Variants in UNC13B observed in about 807,000 individuals in gnomAD.
UNC13B encodes unc-13 homolog B.
A neutral mutation model predicts 211.0 loss-of-function variants in UNC13B; 144 were observed. That is an observed-to-expected ratio of 0.68 (90% CI 0.60 to 0.78). UNC13B has a LOEUF of 0.78. Ranked by LOEUF, UNC13B falls within the 30% of genes least tolerant of loss-of-function variation. The pLI, the probability that UNC13B is intolerant of heterozygous loss-of-function variation, is 0.00. For synonymous variants in UNC13B, 709 were observed against 725.8 expected, an observed-to-expected ratio of 0.98 and a Z score of 0.37; for missense variants, 1,777 against 2,002.0, an observed-to-expected ratio of 0.89 and a Z score of 2.14.
intron 1 of UNC13B, among the ~76,000 whole-genome samples, chr9:35,209,563 A>C (rs2131410700): frequency 6.6e-6 from 1 of 152,032 alleles, no homozygotes; most frequent in East Asian, 1.9e-4. Context: ...TTTTTAGTAG[A>C]GATGGGGTTT....
At chr9:35,311,770 G>T (rs1000107765) in intron 10 of UNC13B, among the ~76,000 whole-genome samples, 11 of 152,180 alleles carry the variant, frequency 7.2e-5, no homozygotes, top group Admixed American at 7.2e-4. Context: ...CTAGAAGTCA[G>T]ATTTAACCCA....
intron 11 of UNC13B, among the ~76,000 whole-genome samples, chr9:35,340,979 A>T (rs1483094719): frequency 6.6e-6 from 1 of 152,208 alleles, no homozygotes; most frequent in Non-Finnish European, 1.5e-5. Context: ...GTGAGTCCTA[A>T]CTAGAATTGT....
Position 35,331,330 on chromosome 9 carries a change from C to A in UNC13B, c.9414+17341C>A, listed in dbSNP as rs1416684048. The stretch of plus-strand genomic sequence containing the variant: ...GTGGCGTGATCTCGGCTGACTGCAA[C>A]CTCTGCCTCCAGATTCAAGCGATTC... On this transcript the variant is annotated intron_variant, in intron 11 of 39. Transcript: ENST00000635942. Among the ~76,000 whole-genome samples, 6 of 152,188 alleles carry A rather than the reference C, an allele frequency of 3.9e-5. No homozygotes were observed. The East Asian group carries it at 1.2e-3, about 29-fold the overall frequency.
Position 35,377,625 on chromosome 9 carries a change from G to C in UNC13B, c.9993G>C (p.Gln3331His). The change falls in exon 16 of 40, where the codon CAG becomes CAC. Residue 3331 changes from glutamine to histidine, a missense_variant. Transcript: ENST00000635942. Reference protein sequence around the residue: ...VFTVNKAAHVQQMKTVKQSVL... With the variant: ...VFTVNKAAHVHQMKTVKQSVL... ...CAGTGAACAAAGCTGCCCATGTGCA[G>C]CAGATGAAAACAGTGAAGCAGAGTG... is the stretch of plus-strand genomic sequence containing the variant. The C allele has an allele frequency of 6.2e-7, 1 of 1,614,224 alleles. No homozygotes were observed. Among genetic ancestry groups the C allele is most frequent in the Non-Finnish European group, 8.5e-7 (1 of 1,180,048 alleles).
intron 1 of UNC13B, among the ~76,000 whole-genome samples, chr9:35,177,454 G>C (rs974801107): frequency 2.0e-5 from 3 of 152,164 alleles, no homozygotes; most frequent in Non-Finnish European, 4.4e-5. Context: ...AAAGCTTTTG[G>C]CAAGCCTCTT....
chr9:35,218,662 A>T (rs1824391890), intron 1 of UNC13B, among the ~76,000 whole-genome samples: 1 of 151,842 alleles, frequency 6.6e-6, no homozygotes, highest in African/African-American at 2.4e-5. Flanking sequence ...CTTGAAAAGT[A>T]TTGGGATTAT....
At chr9:35,187,019 T>G (rs1049809363) in intron 1 of UNC13B, among the ~76,000 whole-genome samples, 2 of 152,214 alleles carry the variant, frequency 1.3e-5, no homozygotes, top group African/African-American at 4.8e-5. Flanking sequence ...TTATCTCTGC[T>G]ATTAGGATAA....
At chr9:35,266,265 A>G (rs978475205) in intron 7 of UNC13B, among the ~76,000 whole-genome samples, 9 of 152,212 alleles carry the variant, frequency 5.9e-5, no homozygotes, top group African/African-American at 1.9e-4. Flanking sequence ...ATTACTTCCT[A>G]GTCCTCAGAT....
chr9:35,310,839 A>G, intron 10 of UNC13B, 58 bp downstream of exon 10: 1 of 1,492,654 alleles, frequency 6.7e-7, no homozygotes. Flanking sequence ...GCCCTGTGGT[A>G]TTGCTGAAAA....
At chr9:35,398,356 C>A in intron 31 of UNC13B, 68 bp downstream of exon 31, 3 of 1,536,862 alleles carry the variant, frequency 2.0e-6, no homozygotes, top group Non-Finnish European at 1.8e-6. Flanking sequence ...CATAGAACTC[C>A]ACCCTCTCTT....
intron 7 of UNC13B, among the ~76,000 whole-genome samples, chr9:35,289,879 A>G (rs991957679): frequency 6.6e-6 from 1 of 152,126 alleles, no homozygotes; most frequent in African/African-American, 2.4e-5. Flanking sequence ...TGGGAGCCTG[A>G]GGCATGAGAA....
intron 7 of UNC13B, among the ~76,000 whole-genome samples, chr9:35,282,829 A>T (rs931408358): frequency 6.6e-6 from 1 of 151,766 alleles, no homozygotes; most frequent in African/African-American, 2.4e-5. Context: ...AGGCCATTTG[A>T]CTATATGGTT....
chr9:35,342,218 C>T (rs1042181322), intron 11 of UNC13B: 2 of 985,726 alleles, frequency 2.0e-6, no homozygotes, highest in East Asian at 2.3e-4. Flanking sequence ...GCTTCTCTGT[C>T]AAACCAAGGA....
chr9:35,304,591 G>T lies in UNC13B; in HGVS notation c.5187G>T (p.Leu1729Phe). ...CTTCTGTTGAAGAAGTTACCACTTT[G>T]GTTCATCCTGAAAATATGACTAAAG... ...LQSSVEEVTT[L>F]VHPENMTKGS... The change falls in exon 9 of 40, where the codon TTG becomes TTT. Residue 1729 changes from leucine (L) to phenylalanine (F), a missense_variant. Physicochemically the swap from Leu to Phe is conservative, Grantham distance 22 (BLOSUM62 0). Transcript: ENST00000635942. The T allele has an allele frequency of 2.5e-6, 1 of 398,696 alleles. No homozygotes were observed. Among genetic ancestry groups the T allele is most frequent in the South Asian group, 1.3e-4 (1 of 7,822 alleles). The allele number at this position is 398,696 out of a possible 1,614,324, so 24.7% of individuals were successfully genotyped here.
chr9:35,320,748 A>G (rs748883361), intron 11 of UNC13B, among the ~76,000 whole-genome samples: 5 of 152,142 alleles, frequency 3.3e-5, no homozygotes, highest in Admixed American at 6.6e-5. Context: ...GTTTACTGCT[A>G]TGTCTTACTT....
chr9:35,262,152 A>G (rs181430396), intron 7 of UNC13B, among the ~76,000 whole-genome samples: 6 of 152,174 alleles, frequency 3.9e-5, no homozygotes, highest in Non-Finnish European at 8.8e-5. Context: ...ATCAATAACC[A>G]TACATTTCAT....
rs571769227 is a variant in UNC13B, at chr9:35,335,109, T to C, written c.9414+21120T>C. ...AAGTAACTGATTGCAAAAGAAATAA[T>C]TAAGTCTTTTAACTGAAAATAGTTG... is the stretch of plus-strand genomic sequence containing the variant. On this transcript the variant is annotated intron_variant, in intron 11 of 39. Transcript: ENST00000635942. Among the ~76,000 whole-genome samples, 97 of 152,272 alleles carry C rather than the reference T, an allele frequency of 6.4e-4. 1 individual carries two copies. The highest frequency in any genetic ancestry group is 2.2e-3 in the African/African-American group (93 of 41,556).
chr9:35,166,458 A>G (rs905536884), intron 1 of UNC13B, among the ~76,000 whole-genome samples: 10 of 152,082 alleles, frequency 6.6e-5, no homozygotes, highest in Non-Finnish European at 1.5e-4. Context: ...AAAAAGAAAA[A>G]AATTTCCATG....
chr9:35,317,491 G>A (rs1483873644), intron 11 of UNC13B, among the ~76,000 whole-genome samples: 12 of 148,920 alleles, frequency 8.1e-5, no homozygotes, highest in South Asian at 2.1e-4. Flanking sequence ...GATTATAGGC[G>A]TGAGCCACTG....
Sources: allele counts gnomAD v4.1 joint callset (sites outside exome capture counted in the v4.1 genomes callset), GRCh38; gene constraint gnomAD v4.1.1; transcripts MANE v1.5; gene names NCBI Gene and HGNC (gene_info 2026-07-23, HGNC 2026-07-21).